The following ZC3H12B variants were observed in gnomAD, a reference collection of about 807,000 sequenced individuals.
ZC3H12B encodes the protein probable ribonuclease ZC3H12B.
Under a neutral mutation model 43.9 loss-of-function variants are expected in ZC3H12B, and 7 were observed. The ratio of observed to expected loss-of-function variants is 0.16; its 90% CI spans 0.09 to 0.30. ZC3H12B has a LOEUF of 0.30. Among genes scored for constraint, ZC3H12B ranks in the 10% least tolerant of loss-of-function variants. ZC3H12B has a pLI of 1.00. For missense variants in ZC3H12B, 475 were observed against 670.2 expected (o/e 0.71, Z 3.22); for synonymous variants, 222 against 241.7 (o/e 0.92, Z 0.76).
the ZC3H12B span, among the ~76,000 whole-genome samples, chrX:65,191,492 A>T: frequency 7.8e-5 from 8 of 102,546 alleles, no homozygotes; most frequent in African/African-American, 2.1e-4. Flanking sequence ...TTATTGGTCT[A>T]TTCAGAGATT....
At chrX:65,038,867 A>G in the ZC3H12B span, among the ~76,000 whole-genome samples, 1 of 111,648 alleles carries the variant, frequency 9.0e-6, no homozygotes, top group Non-Finnish European at 1.9e-5. Flanking sequence ...GAATTACCAT[A>G]TGCTAAACTA....
At chrX:65,278,154 C>T in the ZC3H12B span, among the ~76,000 whole-genome samples, 2 of 111,682 alleles carry the variant, frequency 1.8e-5, no homozygotes, top group Non-Finnish European at 3.8e-5. Flanking sequence ...TAAACAAATA[C>T]ATGCCAATAA....
chrX:65,128,860 G>T, the ZC3H12B span, among the ~76,000 whole-genome samples: 1 of 111,158 alleles, frequency 9.0e-6, no homozygotes, highest in African/African-American at 3.3e-5. Flanking sequence ...ATCAACAGAG[G>T]CACTCCTGCT....
intron 3 of ZC3H12B, among the ~76,000 whole-genome samples, chrX:65,420,938 G>T (rs771336097): frequency 7.0e-4 from 78 of 112,218 alleles, no homozygotes; most frequent in African/African-American, 2.5e-3. Flanking sequence ...CTCCATTCTT[G>T]TCAATGAAGT....
the ZC3H12B span, among the ~76,000 whole-genome samples, chrX:65,205,397 A>C: frequency 1.8e-5 from 2 of 111,737 alleles, no homozygotes; most frequent in Non-Finnish European, 3.8e-5. Flanking sequence ...GCTCCTTGGT[A>C]CACAACATAA....
At chrX:65,307,098 T>C in the ZC3H12B span, among the ~76,000 whole-genome samples, 1 of 112,533 alleles carries the variant, frequency 8.9e-6, no homozygotes, top group African/African-American at 3.2e-5. Flanking sequence ...GTGATAGTAT[T>C]CTAGGCATAC....
At chrX:65,432,577 C>A (rs2067175482) in intron 3 of ZC3H12B, among the ~76,000 whole-genome samples, 1 of 111,807 alleles carries the variant, frequency 8.9e-6, no homozygotes, top group African/African-American at 3.2e-5. Flanking sequence ...CCACTCAGAA[C>A]TAGCAGGTTT....
the ZC3H12B span, among the ~76,000 whole-genome samples, chrX:65,072,928 G>A: frequency 1.8e-5 from 2 of 112,735 alleles, no homozygotes; most frequent in South Asian, 3.6e-4. Context: ...CACAGGTGGG[G>A]TGTTGGCAGA....
At chrX:65,127,858 G>T in the ZC3H12B span, among the ~76,000 whole-genome samples, 1 of 111,016 alleles carries the variant, frequency 9.0e-6, no homozygotes, top group African/African-American at 3.3e-5. Flanking sequence ...ATTCCCAAAG[G>T]GCAGTCTCAC....
At chrX:65,407,954 C>T (rs1222802100) in intron 3 of ZC3H12B, 16 of 797,516 alleles carry the variant, frequency 2.0e-5, no homozygotes, top group Admixed American at 7.6e-5. Flanking sequence ...AGCGCGCCTG[C>T]GTGCGTGGCC....
the ZC3H12B span, among the ~76,000 whole-genome samples, chrX:65,038,250 CT>C: frequency 1.8e-5 from 2 of 110,891 alleles, no homozygotes; most frequent in Non-Finnish European, 3.8e-5. Context: ...CCTTCTGTAC[CT>C]TTTTTTTGGT....
At chrX:65,167,607 G>A in the ZC3H12B span, among the ~76,000 whole-genome samples, 1 of 111,756 alleles carries the variant, frequency 8.9e-6, no homozygotes, top group Non-Finnish European at 1.9e-5. Context: ...TATGGGGATT[G>A]CATTGAATCT....
rs188483923 is a variant in ZC3H12B, at chrX:65,390,335, C to A, written n.296-8258C>A. 9.5e-4 allele frequency among the ~76,000 whole-genome samples: 105 copies of A among 110,603 alleles called. 1 individual carries two copies. The highest frequency in any genetic ancestry group is 4.6e-3 in the Middle Eastern group (1 of 218). On this transcript the variant is annotated intron_variant and non_coding_transcript_variant, in intron 2 of 5. Transcript: ENST00000617377. Reference sequence around the variant, plus strand: ...TGAGTTAATGGGTGTAGCCCACCAACATGGCACAAGTATACATATGTAACA... The same window carrying A: ...TGAGTTAATGGGTGTAGCCCACCAAAATGGCACAAGTATACATATGTAACA...
intron 3 of ZC3H12B, among the ~76,000 whole-genome samples, chrX:65,417,477 G>T (rs1028727957): frequency 2.7e-5 from 3 of 112,376 alleles, no homozygotes; most frequent in African/African-American, 9.7e-5. Context: ...TATGAGTAAA[G>T]GTGTATGAGC....
At chrX:65,120,798 C>G in the ZC3H12B span, among the ~76,000 whole-genome samples, 4 of 111,237 alleles carry the variant, frequency 3.6e-5, no homozygotes, top group Non-Finnish European at 7.5e-5. Context: ...TCATAGATAC[C>G]TCTTATTATT....
intron 3 of ZC3H12B, among the ~76,000 whole-genome samples, chrX:65,427,904 G>T (rs761421035): frequency 1.8e-5 from 2 of 111,838 alleles, no homozygotes. Flanking sequence ...GGCTGGTAAT[G>T]TTTTTCCTCC....
the ZC3H12B span, among the ~76,000 whole-genome samples, chrX:65,333,111 C>T: frequency 1.8e-5 from 2 of 111,353 alleles, no homozygotes; most frequent in African/African-American, 6.5e-5. Context: ...AAACTTGGGG[C>T]TCCTGGGCCT....
chrX:65,068,110 T>G, the ZC3H12B span, among the ~76,000 whole-genome samples: 2 of 107,767 alleles, frequency 1.9e-5, no homozygotes, highest in Non-Finnish European at 3.8e-5. Flanking sequence ...TGTTACTTTT[T>G]TTTTTTTTTT....
the ZC3H12B span, among the ~76,000 whole-genome samples, chrX:65,224,863 G>T: frequency 8.9e-6 from 1 of 112,201 alleles, no homozygotes; most frequent in East Asian, 2.8e-4. Context: ...GGTAAACAAA[G>T]CAGCCGGGAA....
Sources: allele counts gnomAD v4.1 joint callset (sites outside exome capture counted in the v4.1 genomes callset), GRCh38; gene constraint gnomAD v4.1.1; transcripts MANE v1.5; gene names NCBI Gene and HGNC (gene_info 2026-07-23, HGNC 2026-07-21).